LIX1: variants seen among roughly 807,000 people sequenced by gnomAD.
The protein encoded by LIX1 is limb and CNS expressed 1, also known as protein limb expression 1 homolog.
In LIX1, 24 loss-of-function variants were observed where a neutral mutation model predicts 33.4. That is an observed-to-expected ratio of 0.72 (90% confidence interval 0.52 to 1.01). LIX1 has a LOEUF of 1.01. LIX1 is among the 50% of genes least tolerant of loss of function. The pLI is 0.00. For synonymous variants in LIX1, 124 were observed against 124.0 expected, an observed-to-expected ratio of 1.00 and a Z score of 0.00; for missense variants, 311 against 339.2, an observed-to-expected ratio of 0.92 and a Z score of 0.65.
chr5:97,094,702 T>A lies in LIX1; in HGVS notation c.*46A>T. On this transcript the variant is annotated 3_prime_UTR_variant, in exon 6 of 6. Transcript: ENST00000274382. ...ACCTCTGCACTGAGATTCCTAATGT[T>A]AATCTGGCCTCTGCCATCACTGAGG... is the stretch of plus-strand genomic sequence containing the variant. The A allele has an allele frequency of 6.3e-7, 1 of 1,579,320 alleles. No individual in the cohort carries two copies. Among genetic ancestry groups the A allele is most frequent in the South Asian group, 1.1e-5 (1 of 87,092 alleles).
intron 2 of LIX1, among the ~76,000 whole-genome samples, chr5:97,112,699 C>G (rs1747463810): frequency 1.3e-5 from 2 of 151,478 alleles, no homozygotes; most frequent in African/African-American, 4.9e-5. Flanking sequence ...AGACCTCATT[C>G]AGACATTTAT....
At chr5:97,124,780 C>T (rs965957864) in intron 1 of LIX1, 151 bp from the exon 2 acceptor site, 3 of 461,762 alleles carry the variant, frequency 6.5e-6, no homozygotes, top group African/African-American at 6.0e-5. Flanking sequence ...GGGCTTTTAG[C>T]TGTGAAAGAA....
intron 1 of LIX1, among the ~76,000 whole-genome samples, chr5:97,129,400 T>C (rs548541926): frequency 6.7e-6 from 1 of 149,468 alleles, no homozygotes; most frequent in Non-Finnish European, 1.5e-5. Flanking sequence ...TAACAAGATT[T>C]AAAAAAAAAA....
At chr5:97,126,099 A>G (rs1442685139) in intron 1 of LIX1, among the ~76,000 whole-genome samples, 2 of 152,262 alleles carry the variant, frequency 1.3e-5, no homozygotes, top group Non-Finnish European at 2.9e-5. Flanking sequence ...TTCAGGTGGC[A>G]TCTCTCACAT....
intron 4 of LIX1, 127 bp downstream of exon 4, chr5:97,105,063 T>C: frequency 2.4e-6 from 2 of 830,778 alleles, no homozygotes; most frequent in Non-Finnish European, 3.9e-6. Context: ...GAGGGTTAGA[T>C]TAAAATGACC....
At chr5:97,100,478 T>G (rs1259385347) in intron 4 of LIX1, among the ~76,000 whole-genome samples, 4 of 152,222 alleles carry the variant, frequency 2.6e-5, no homozygotes, top group African/African-American at 9.6e-5. Context: ...TGTAGAGATA[T>G]TCATCTTGCC....
chr5:97,141,876 A>G (rs879635335), intron 1 of LIX1, among the ~76,000 whole-genome samples: 1 of 152,240 alleles, frequency 6.6e-6, no homozygotes, highest in Non-Finnish European at 1.5e-5. Flanking sequence ...TCATTAAAAA[A>G]AAGATTTTGA....
At chr5:97,106,963 G>C (rs1290689723) in intron 3 of LIX1, among the ~76,000 whole-genome samples, 3 of 152,130 alleles carry the variant, frequency 2.0e-5, no homozygotes, top group Non-Finnish European at 2.9e-5. Context: ...AAACACTTCA[G>C]ATGATTTTCA....
Position 97,094,963 on chromosome 5 carries a change from T to A in LIX1, c.634A>T (p.Met212Leu), listed in dbSNP as rs1390722974. 1 of 1,614,196 alleles carries A rather than the reference T, an allele frequency of 6.2e-7. No homozygotes were observed. ...ATTCCTGGTGAGTCCCGCTCCTTCATGATCCAGTCCAGGGCCATGTGGCTG... is the reference window on the plus strand; with the variant it reads ...ATTCCTGGTGAGTCCCGCTCCTTCAAGATCCAGTCCAGGGCCATGTGGCTG... Reference protein sequence around the residue: ...MRSHMALDWIMKERDSPGIVS... With the variant: ...MRSHMALDWILKERDSPGIVS... The change falls in exon 6 of 6, where the codon ATG becomes TTG. Residue 212 changes from methionine to leucine, a missense_variant. Physicochemically the swap from Met to Leu is conservative, Grantham distance 15. Coordinates refer to ENST00000274382, the MANE Select transcript of LIX1 (RefSeq NM_153234.5).
chr5:97,138,861 A>T (rs189778363), intron 1 of LIX1, among the ~76,000 whole-genome samples: 1 of 152,090 alleles, frequency 6.6e-6, no homozygotes, highest in Non-Finnish European at 1.5e-5. Flanking sequence ...CTGACATGAG[A>T]CTCCAAGGAA....
chr5:97,137,641 G>A (rs1236692826), intron 1 of LIX1, among the ~76,000 whole-genome samples: 1 of 152,174 alleles, frequency 6.6e-6, no homozygotes, highest in Non-Finnish European at 1.5e-5. Flanking sequence ...AAAATTAGCA[G>A]AGTTCAAATT....
At chr5:97,113,598 A>G (rs1244972261) in intron 2 of LIX1, among the ~76,000 whole-genome samples, 1 of 152,170 alleles carries the variant, frequency 6.6e-6, no homozygotes, top group African/African-American at 2.4e-5. Flanking sequence ...TATACATCCC[A>G]AGGTCATGCA....
At chr5:97,098,580 A>C (rs568038842) in intron 4 of LIX1, among the ~76,000 whole-genome samples, 53 of 152,334 alleles carry the variant, frequency 3.5e-4, no homozygotes, top group African/African-American at 1.3e-3. Flanking sequence ...CAGATGTCCT[A>C]CTGTCCATTC....
chr5:97,109,957 A>G lies in LIX1; in HGVS notation c.247-2457T>C, dbSNP rs147549541. 2.1e-3 allele frequency among the ~76,000 whole-genome samples: 316 copies of G among 152,278 alleles called. 1 individual carries two copies. The highest frequency in any genetic ancestry group is 7.3e-3 in the African/African-American group (302 of 41,564). ...ATGGCTAAGTAGTATTCCATGGTGTACCCCATCTTCCTTATTCGCTCATTG... is the reference window on the plus strand; with the variant it reads ...ATGGCTAAGTAGTATTCCATGGTGTGCCCCATCTTCCTTATTCGCTCATTG... On this transcript the variant is annotated intron_variant, in intron 2 of 5. Transcript: ENST00000274382.
At chr5:97,117,716 C>T (rs570622036) in intron 2 of LIX1, among the ~76,000 whole-genome samples, 1 of 152,222 alleles carries the variant, frequency 6.6e-6, no homozygotes, top group East Asian at 1.9e-4. Flanking sequence ...GCTGTATGCT[C>T]CTTGGAAAAA....
At chr5:97,111,144 A>ACCGTCT (rs1747366985) in intron 2 of LIX1, among the ~76,000 whole-genome samples, 1 of 152,052 alleles carries the variant, frequency 6.6e-6, no homozygotes, top group South Asian at 2.1e-4. Context: ...CTCTGCTCCC[A>ACCGTCT]CCGTCTCCTG....
intron 1 of LIX1, 28 bp downstream of exon 1, chr5:97,142,466 CA>C (rs761939235): frequency 2.3e-5 from 36 of 1,562,250 alleles, no homozygotes; most frequent in Non-Finnish European, 3.0e-5. Flanking sequence ...TCTAAAAAGT[CA>C]AAAAACTTTT....
chr5:97,142,322 T>C (rs1748307291), intron 1 of LIX1, among the ~76,000 whole-genome samples, 173 bp downstream of exon 1: 2 of 152,332 alleles, frequency 1.3e-5, no homozygotes, highest in South Asian at 2.1e-4. Flanking sequence ...CTAATGCCTG[T>C]AGGTGAAATG....
rs751572432 is a variant in LIX1 at position 97,107,425 on chromosome 5, G to A, written c.322C>T (p.Pro108Ser). The change falls in exon 3 of 6, where the codon CCC (proline) becomes TCC (serine). Residue 108 changes from proline to serine, a missense_variant. Pro to Ser is a moderately conservative substitution (Grantham distance 74). Coordinates refer to ENST00000274382, the MANE Select transcript of LIX1 (RefSeq NM_153234.5). ...ALINSLFNEL[P>S]SRRITKEFIM... is the part of the protein sequence containing the mutation. Reference sequence around the variant, plus strand: ...AATTCCTTGGTGATCCTGCGAGAGGGCAGCTCATTGAAGAGGGAGTTGATC... The same window carrying A: ...AATTCCTTGGTGATCCTGCGAGAGGACAGCTCATTGAAGAGGGAGTTGATC... 2.8e-5 allele frequency: 45 copies of A among 1,613,128 alleles called. 1 individual carries two copies. In the South Asian group the frequency reaches 4.8e-4, roughly 17 times the overall value.
Sources: allele counts gnomAD v4.1 joint callset (sites outside exome capture counted in the v4.1 genomes callset), GRCh38; gene constraint gnomAD v4.1.1; transcripts MANE v1.5; gene names NCBI Gene and HGNC (gene_info 2026-07-23, HGNC 2026-07-21).